Variants in PHF14 observed in about 807,000 individuals in gnomAD.
PHF14 encodes PHD finger protein 14.
Under a neutral mutation model 117.9 loss-of-function variants are expected in PHF14, and 55 were observed. The observed-to-expected ratio is 0.47, with a 90% CI of 0.38 to 0.58. The LOEUF (loss-of-function observed/expected upper bound fraction) is 0.58. PHF14 is among the 20% of genes least tolerant of loss of function. The probability of loss-of-function intolerance (pLI) is 0.00; values close to 1 mark genes in which losing one functional copy is unlikely to be tolerated. For missense variants in PHF14, 978 were observed against 1,122.2 expected, an observed-to-expected ratio of 0.87 and a Z score of 1.84; for synonymous variants, 409 against 368.6, an observed-to-expected ratio of 1.11 and a Z score of -1.26.
chr7:11,137,793 C>G (rs1788268812), intron 17 of PHF14, among the ~76,000 whole-genome samples: 1 of 151,498 alleles, frequency 6.6e-6, no homozygotes, highest in Non-Finnish European at 1.5e-5. Flanking sequence ...GCCATGTTGT[C>G]CAGGCTGGTC....
chr7:11,048,709 A>C (rs1171052786), intron 13 of PHF14, among the ~76,000 whole-genome samples: 1 of 152,228 alleles, frequency 6.6e-6, no homozygotes, highest in Non-Finnish European at 1.5e-5. Flanking sequence ...GGATATTTAT[A>C]AGATGAAGAC....
intron 17 of PHF14, among the ~76,000 whole-genome samples, chr7:11,138,007 T>G (rs1471815651): frequency 6.6e-6 from 1 of 152,006 alleles, no homozygotes; most frequent in East Asian, 1.9e-4. Context: ...ATCTGTGGCA[T>G]TAAAATTTCA....
chr7:11,097,089 C>T (rs935487205), intron 16 of PHF14, among the ~76,000 whole-genome samples: 1 of 149,784 alleles, frequency 6.7e-6, no homozygotes, highest in Non-Finnish European at 1.5e-5. Flanking sequence ...AGGTGATTCT[C>T]GTGCCTCAGC....
At position 10,983,122 on chromosome 7, in the gene PHF14, A is replaced by G. The variant is rs767278428; in HGVS notation, c.863A>G (p.Asn288Ser). The G allele has an allele frequency of 2.9e-5, 46 of 1,598,820 alleles. No homozygotes were observed. Among genetic ancestry groups the G allele is most frequent in the Non-Finnish European group, 3.7e-5 (44 of 1,179,352 alleles). The change falls in exon 3 of 18, where the codon AAT becomes AGT. Residue 288 changes from asparagine (N) to serine (S), a missense_variant. Coordinates refer to ENST00000634607, the MANE Select transcript of PHF14 (RefSeq NM_001007157.2). ...AGTGCTGATGATGAGGAACTGACCA[A>G]TGATAGCCTGACCCTATCTCAAAGC... The part of the protein sequence containing the change: ...RNSADDEELT[N>S]DSLTLSQSKS...
At position 11,063,701 on chromosome 7, in the gene PHF14, C is replaced by G. The variant is rs952901628; in HGVS notation, c.2654+1616C>G. 6.7e-5 allele frequency: 59 copies of G among 884,830 alleles called. No individual in the cohort carries two copies. The African/African-American group carries it at 9.8e-4, about 15-fold the overall frequency. The allele number at this position is 884,830 out of a possible 1,614,324, so 54.8% of individuals were successfully genotyped here. The stretch of plus-strand genomic sequence containing the variant: ...TTTGTCATATATTGGAAATTAGGAA[C>G]CTGAGAAATACAATTTTTATTTTAA... On this transcript the variant is annotated intron_variant, in intron 16 of 17. Coordinates refer to ENST00000634607, the MANE Select transcript of PHF14 (RefSeq NM_001007157.2).
chr7:11,067,195 C>T (rs764832370), intron 16 of PHF14, among the ~76,000 whole-genome samples: 2 of 152,066 alleles, frequency 1.3e-5, no homozygotes, highest in Non-Finnish European at 2.9e-5. Flanking sequence ...AGCCAACAAG[C>T]ATATGAAAAG....
intron 16 of PHF14, among the ~76,000 whole-genome samples, chr7:11,088,457 T>G (rs1786508785): frequency 6.6e-6 from 1 of 151,946 alleles, no homozygotes; most frequent in African/African-American, 2.4e-5. Context: ...CATGAGAAAT[T>G]GTCAAATTTT....
At chr7:11,100,582 TC>T in intron 16 of PHF14, among the ~76,000 whole-genome samples, 1 of 152,108 alleles carries the variant, frequency 6.6e-6, no homozygotes, top group East Asian at 1.9e-4. Flanking sequence ...TATGATAAAA[TC>T]TACTGACCTT....
intron 17 of PHF14, among the ~76,000 whole-genome samples, chr7:11,133,033 A>G (rs1277326474): frequency 6.6e-6 from 1 of 151,976 alleles, no homozygotes; most frequent in Non-Finnish European, 1.5e-5. Flanking sequence ...GAGAAACTAC[A>G]AAATTCTAAT....
In PHF14 at chr7:10,974,876, G is replaced by T; in HGVS notation, c.43G>T (p.Ala15Ser). The change falls in exon 2 of 18, where the codon GCT becomes TCT. Residue 15 changes from alanine to serine, a missense_variant. Around this residue, in one of 7 missense-constraint regions of PHF14, gnomAD observed 414 missense variants for 376.4 expected, o/e 1.10. Coordinates refer to ENST00000634607, the MANE Select transcript of PHF14 (RefSeq NM_001007157.2). Reference sequence around the variant, plus strand: ...GAGGAGGCAGGTGAAGCCTTTGGCAGCTTCTCTGCTGGAAGCTCTTGATTA... The same window carrying T: ...GAGGAGGCAGGTGAAGCCTTTGGCATCTTCTCTGCTGGAAGCTCTTGATTA... ...SKRRQVKPLA[A>S]SLLEALDYDS... 6.3e-7 allele frequency: 1 copy of T among 1,595,494 alleles called. No individual in the cohort carries two copies. Among genetic ancestry groups the T allele is most frequent in the Non-Finnish European group, 8.5e-7 (1 of 1,170,378 alleles).
At chr7:11,017,886 A>G (rs1379631343) in intron 5 of PHF14, among the ~76,000 whole-genome samples, 4 of 152,158 alleles carry the variant, frequency 2.6e-5, no homozygotes, top group East Asian at 1.9e-4. Context: ...TAGTATTTTC[A>G]TAGTTTGAGG....
intron 5 of PHF14, among the ~76,000 whole-genome samples, chr7:11,015,480 A>C (rs1246674038): frequency 6.6e-6 from 1 of 152,174 alleles, no homozygotes; most frequent in Non-Finnish European, 1.5e-5. Flanking sequence ...GCATTACTCT[A>C]AGTTGGGCCT....
chr7:11,031,003 A>T (rs1435925086), intron 7 of PHF14, among the ~76,000 whole-genome samples: 1 of 152,210 alleles, frequency 6.6e-6, no homozygotes, highest in Admixed American at 6.5e-5. Context: ...ACTTATGTAC[A>T]TAAGGATTTA....
intron 16 of PHF14, chr7:11,107,411 GTTA>G (rs1787307681): frequency 1.1e-5 from 9 of 831,802 alleles, no homozygotes; most frequent in Admixed American, 1.3e-4. Context: ...AAGCTACTTT[GTTA>G]TTTACATCTA....
chr7:10,989,927 C>T (rs369925204), intron 3 of PHF14, among the ~76,000 whole-genome samples: 8 of 152,286 alleles, frequency 5.3e-5, no homozygotes, highest in East Asian at 1.9e-4. Context: ...CCACTGTGCC[C>T]ATCCTCTCTT....
intron 17 of PHF14, among the ~76,000 whole-genome samples, chr7:11,113,009 A>C (rs1464226040): frequency 6.6e-6 from 1 of 152,032 alleles, no homozygotes; most frequent in Admixed American, 6.6e-5. Flanking sequence ...AAATAATGAA[A>C]CACTATGGAG....
intron 16 of PHF14, among the ~76,000 whole-genome samples, chr7:11,085,608 A>G (rs1176023594): frequency 1.3e-5 from 2 of 152,000 alleles, no homozygotes; most frequent in East Asian, 1.9e-4. Flanking sequence ...TTGGTGACCA[A>G]CCTTCCTCCT....
chr7:11,011,512 G>C (rs1783357782), intron 4 of PHF14, among the ~76,000 whole-genome samples: 1 of 151,764 alleles, frequency 6.6e-6, no homozygotes, highest in Non-Finnish European at 1.5e-5. Context: ...ATGCCCCTTA[G>C]AACTTGGCAC....
chr7:10,986,604 T>C (rs1782235669), intron 3 of PHF14, among the ~76,000 whole-genome samples: 1 of 152,236 alleles, frequency 6.6e-6, no homozygotes, highest in Non-Finnish European at 1.5e-5. Flanking sequence ...CCTGTTTTTG[T>C]CAATAACCTT....
Sources: allele counts gnomAD v4.1 joint callset (sites outside exome capture counted in the v4.1 genomes callset), GRCh38; gene constraint gnomAD v4.1.1; regional missense constraint gnomAD v4.1.1; transcripts MANE v1.5; gene names NCBI Gene and HGNC (gene_info 2026-07-23, HGNC 2026-07-21).